GDPD5: variants seen among roughly 807,000 people sequenced by gnomAD.
The protein encoded by GDPD5 is glycerophosphodiester phosphodiesterase 2.
GDPD5 carries 48 observed loss-of-function variants against 75.1 expected under a neutral mutation model. That is an observed-to-expected ratio of 0.64 (90% CI 0.51 to 0.81). The LOEUF is 0.81. Among genes scored for constraint, GDPD5 ranks in the 40% least tolerant of loss-of-function variants. GDPD5 has a pLI of 0.00. For missense variants in GDPD5, 706 were observed against 822.6 expected, an observed-to-expected ratio of 0.86 and a Z score of 1.73; for synonymous variants, 336 against 339.0, an observed-to-expected ratio of 0.99 and a Z score of 0.10.
chr11:75,486,900 C>T (rs987836395), intron 2 of GDPD5, among the ~76,000 whole-genome samples: 2 of 152,152 alleles, frequency 1.3e-5, no homozygotes, highest in African/African-American at 4.8e-5. Flanking sequence ...GACAGCACAG[C>T]GGAAGCCTAG....
At chr11:75,460,474 A>AC (rs1265789362) in intron 4 of GDPD5, among the ~76,000 whole-genome samples, 1 of 151,844 alleles carries the variant, frequency 6.6e-6, no homozygotes, top group East Asian at 1.9e-4. Flanking sequence ...GGTTAGAGTT[A>AC]CCCCATTTTA....
chr11:75,520,217 T>C (rs1403207766), intron 1 of GDPD5, among the ~76,000 whole-genome samples: 1 of 152,216 alleles, frequency 6.6e-6, no homozygotes, highest in East Asian at 1.9e-4. Context: ...TCCATCAGCT[T>C]CTTACTGAGT....
rs751686450 is a variant in GDPD5, at chr11:75,441,264, C to A, written c.1372G>T (p.Ala458Ser). The A allele has an allele frequency of 6.2e-7, 1 of 1,614,098 alleles. No individual in the cohort carries two copies. The highest frequency in any genetic ancestry group is 8.5e-7 in the Non-Finnish European group (1 of 1,180,014). ...NLSVNLYTVN[A>S]PWLFSLLWCA... is the part of the protein sequence containing the mutation. Reference sequence around the variant, plus strand: ...CACAGCAGGGAGAAGAGCCACGGTGCGTTGACTGTGTAGAGGTTCACACTC... The same window carrying A: ...CACAGCAGGGAGAAGAGCCACGGTGAGTTGACTGTGTAGAGGTTCACACTC... The change falls in exon 14 of 17, where the codon GCA (alanine) becomes TCA (serine). Residue 458 changes from alanine (A) to serine (S), a missense_variant. Ala to Ser is a moderately conservative substitution (Grantham distance 99). Coordinates refer to ENST00000336898, the MANE Select transcript of GDPD5 (RefSeq NM_030792.8).
chr11:75,442,451 C>T lies in GDPD5; in HGVS notation c.1079G>A (p.Arg360His), dbSNP rs761716355. 9.3e-6 allele frequency: 15 copies of T among 1,613,028 alleles called. No individual in the cohort carries two copies. The highest frequency in any genetic ancestry group is 8.0e-5 in the African/African-American group (6 of 74,892). Reference protein sequence around the residue: ...KGNATLLLNLRDPPREHPYRS... With the variant: ...KGNATLLLNLHDPPREHPYRS... ...GTAGGGGTGCTCCCGGGGCGGGTCACGCAGGTTGAGCAGCAGTGTGGCATT... is the reference window on the plus strand; with the variant it reads ...GTAGGGGTGCTCCCGGGGCGGGTCATGCAGGTTGAGCAGCAGTGTGGCATT... The change falls in exon 12 of 17, where the codon CGT (arginine) becomes CAT (histidine). Residue 360 changes from arginine (R) to histidine (H), a missense_variant. Physicochemically the swap from Arg to His is conservative, Grantham distance 29. Coordinates refer to ENST00000336898, the MANE Select transcript of GDPD5 (RefSeq NM_030792.8).
intron 1 of GDPD5, among the ~76,000 whole-genome samples, chr11:75,513,849 C>T (rs1950582341): frequency 6.6e-6 from 1 of 152,240 alleles, no homozygotes; most frequent in Admixed American, 6.5e-5. Flanking sequence ...CCTCCTGACT[C>T]TCCTGTGCTC....
intron 9 of GDPD5, 33 bp downstream of exon 9, chr11:75,448,944 A>T: frequency 6.5e-7 from 1 of 1,528,880 alleles, no homozygotes; most frequent in South Asian, 1.3e-5. Flanking sequence ...CCCCACCCCA[A>T]CGGGGCTGTT....
chr11:75,517,675 A>C (rs1362158951), intron 1 of GDPD5, among the ~76,000 whole-genome samples: 1 of 152,078 alleles, frequency 6.6e-6, no homozygotes, highest in Non-Finnish European at 1.5e-5. Flanking sequence ...CTCAACACCT[A>C]GTAACTACCT....
chr11:75,509,258 C>T (rs1235329344), intron 1 of GDPD5, among the ~76,000 whole-genome samples: 3 of 152,266 alleles, frequency 2.0e-5, no homozygotes, highest in African/African-American at 2.4e-5. Flanking sequence ...AGGGAAGGGG[C>T]GGTATCTGGT....
intron 1 of GDPD5, among the ~76,000 whole-genome samples, chr11:75,498,724 G>A (rs1489653844): frequency 6.6e-6 from 1 of 152,170 alleles, no homozygotes; most frequent in Non-Finnish European, 1.5e-5. Flanking sequence ...GAGCACAGTG[G>A]GGCTCTCAGA....
In GDPD5 at chr11:75,487,097, T is replaced by C. The variant is rs183465942; in HGVS notation, c.-61+3140A>G. On this transcript the variant is annotated intron_variant, in intron 2 of 16. Coordinates refer to ENST00000336898, the MANE Select transcript of GDPD5 (RefSeq NM_030792.8). ...TCTGGAAAAAGCCCAGCCAGTGAAATGTGGAACCCACCTATCCCCGGCCCT... is the reference window on the plus strand; with the variant it reads ...TCTGGAAAAAGCCCAGCCAGTGAAACGTGGAACCCACCTATCCCCGGCCCT... Among the ~76,000 whole-genome samples, 1,285 of 152,246 alleles carry C rather than the reference T, an allele frequency of 8.4e-3. 12 individuals are homozygous for C. The highest frequency in any genetic ancestry group is 0.031 in the Middle Eastern group (9 of 294).
At chr11:75,452,993 C>T (rs996821342) in intron 6 of GDPD5, 6 of 152,156 alleles carry the variant, frequency 3.9e-5, no homozygotes, top group African/African-American at 1.5e-4. Context: ...GAGCTGTGAC[C>T]AAAACACCTC....
chr11:75,435,433 A>G lies in GDPD5; in HGVS notation c.*74T>C. The G allele has an allele frequency of 7.2e-7, 1 of 1,395,814 alleles. No homozygotes were observed. Among genetic ancestry groups the G allele is most frequent in the East Asian group, 2.4e-5 (1 of 41,894 alleles). The allele number at this position is 1,395,814 out of a possible 1,614,324, so 86.5% of individuals were successfully genotyped here. Reference sequence around the variant, plus strand: ...CCCGCTCCCAGAGCACTCCGAGTTCAGACACACTTCCACCAGCTCTCCTAG... The same window carrying G: ...CCCGCTCCCAGAGCACTCCGAGTTCGGACACACTTCCACCAGCTCTCCTAG... On this transcript the variant is annotated 3_prime_UTR_variant, in exon 17 of 17. Coordinates refer to ENST00000336898, the MANE Select transcript of GDPD5 (RefSeq NM_030792.8).
At chr11:75,515,223 GCT>G (rs1401621420) in intron 1 of GDPD5, among the ~76,000 whole-genome samples, 1 of 152,202 alleles carries the variant, frequency 6.6e-6, no homozygotes, top group Non-Finnish European at 1.5e-5. Context: ...GCTGTAAAGG[GCT>G]CTGTGTCCTA....
intron 4 of GDPD5, among the ~76,000 whole-genome samples, chr11:75,462,185 G>A (rs147999473): frequency 1.3e-5 from 2 of 152,302 alleles, no homozygotes; most frequent in Admixed American, 1.3e-4. Flanking sequence ...GTAACCAAAG[G>A]GCCCTGCCCC....
In GDPD5 at chr11:75,435,300, A is replaced by G. The variant is rs966478589; in HGVS notation, c.*207T>C. 25 of 491,886 alleles carry G rather than the reference A, an allele frequency of 5.1e-5. 3 individuals carry two copies. In the Admixed American group the frequency reaches 6.0e-4, roughly 12 times the overall value. 30.5% of individuals were successfully genotyped at this position (491,886 alleles called of 1,614,324 possible). Reference sequence around the variant, plus strand: ...GAAGGAGCCCCAGGCCTGCAGGGGCATCTGAAAGGATGGAGTCCTGGCCCA... The same window carrying G: ...GAAGGAGCCCCAGGCCTGCAGGGGCGTCTGAAAGGATGGAGTCCTGGCCCA... On this transcript the variant is annotated 3_prime_UTR_variant, in exon 17 of 17. Transcript: ENST00000336898.
intron 1 of GDPD5, among the ~76,000 whole-genome samples, chr11:75,498,513 C>G (rs1001319492): frequency 7.8e-6 from 1 of 128,400 alleles, no homozygotes; most frequent in Non-Finnish European, 1.6e-5. Flanking sequence ...CTACTCGTCA[C>G]TGATGCCCTC....
At chr11:75,441,570 TG>T (rs1318652429) in intron 13 of GDPD5, 75 bp downstream of exon 13, 5 of 1,203,824 alleles carry the variant, frequency 4.2e-6, no homozygotes, top group East Asian at 5.5e-5. Context: ...GTGTGTGTGT[TG>T]GGGGGTGGTG....
chr11:75,463,303 G>A (rs568801989), intron 3 of GDPD5, among the ~76,000 whole-genome samples: 4 of 152,294 alleles, frequency 2.6e-5, no homozygotes, highest in East Asian at 3.9e-4. Flanking sequence ...CCGTGCTACC[G>A]AGAAAAACAC....
At chr11:75,457,326 C>A (rs1277081381) in intron 5 of GDPD5, among the ~76,000 whole-genome samples, 3 of 152,160 alleles carry the variant, frequency 2.0e-5, no homozygotes, top group Non-Finnish European at 4.4e-5. Context: ...CAGGAAGGGG[C>A]AGCCTAGAGA....
Sources: gnomAD v4.1 joint callset for allele counts (sites outside exome capture counted in the v4.1 genomes callset) on GRCh38, gnomAD v4.1.1 for gene constraint, MANE v1.5 for transcripts, NCBI Gene and HGNC (gene_info 2026-07-23, HGNC 2026-07-21) for gene names.